The following DENND4B variants were observed in gnomAD, a reference collection of about 807,000 sequenced individuals.
DENND4B encodes DENN domain containing 4B.
A neutral mutation model predicts 161.0 loss-of-function variants in DENND4B; 67 were observed. That is an observed-to-expected ratio of 0.42 (90% CI 0.34 to 0.51). The LOEUF (loss-of-function observed/expected upper bound fraction) is 0.51, where lower values mean the gene tolerates loss of function less well. DENND4B is among the 20% of genes least tolerant of loss of function. The pLI is 0.08. For missense variants in DENND4B, 1,481 were observed against 1,968.0 expected, an observed-to-expected ratio of 0.75 and a Z score of 4.68; for synonymous variants, 753 against 813.8, an observed-to-expected ratio of 0.93 and a Z score of 1.27.
Position 153,932,721 on chromosome 1 carries a change from C to T in DENND4B, c.3680G>A (p.Gly1227Asp). The change falls in exon 23 of 28, where the codon GGT (glycine) becomes GAT (aspartate). Residue 1227 changes from glycine (G) to aspartate (D), a missense_variant. Around this residue, in one of 3 missense-constraint regions of DENND4B, gnomAD observed 336 missense variants for 503.3 expected, o/e 0.67. Transcript: ENST00000361217. The surrounding 1 kb of genome is among the most constrained non-coding windows in gnomAD (Gnocchi z 5.8). Reference sequence around the variant, plus strand: ...GTCACTGAGCACAGGGCCAGGACCACCAGGGACAGGAGCATCTTTGCTGCC... The same window carrying T: ...GTCACTGAGCACAGGGCCAGGACCATCAGGGACAGGAGCATCTTTGCTGCC... Reference protein sequence around the residue: ...ASGSKDAPVPGGPGPVLSDRR... With the variant: ...ASGSKDAPVPDGPGPVLSDRR... 6.2e-7 allele frequency: 1 copy of T among 1,614,056 alleles called. No homozygotes were observed. Among genetic ancestry groups the T allele is most frequent in the Non-Finnish European group, 8.5e-7 (1 of 1,179,900 alleles).
Position 153,933,077 on chromosome 1 carries a change from A to G in DENND4B, c.3454-47T>C. 6.2e-7 allele frequency: 1 copy of G among 1,609,188 alleles called. No homozygotes were observed. The highest frequency in any genetic ancestry group is 8.5e-7 in the Non-Finnish European group (1 of 1,176,862). Reference sequence around the variant, plus strand: ...AAGTAGGTGCTGTCTGGCCGCCAGCACTCTGGAGCCCATGCCCCTTCCCCA... The same window carrying G: ...AAGTAGGTGCTGTCTGGCCGCCAGCGCTCTGGAGCCCATGCCCCTTCCCCA... On this transcript the variant is annotated intron_variant, in intron 21 of 27. Coordinates refer to ENST00000361217, the MANE Select transcript of DENND4B (RefSeq NM_014856.3). The surrounding 1 kb of genome is among the most constrained non-coding windows in gnomAD (Gnocchi z 5.7).
chr1:153,942,568 C>T lies in DENND4B; in HGVS notation c.628G>A (p.Val210Met). The change falls in exon 4 of 28, where the codon GTG becomes ATG. Residue 210 changes from valine to methionine, a missense_variant. Physicochemically the swap from Val to Met is conservative, Grantham distance 21. This residue lies in a region of DENND4B where 806 missense variants were observed against 1,134.4 expected (regional missense o/e 0.71). Transcript: ENST00000361217. This position sits in a 1 kb window ranked among gnomAD's most constrained non-coding sequence, Gnocchi z 6.9. ...KVGLAKANTLVYEAELLGRYP... is the reference protein window; with the variant it reads ...KVGLAKANTLMYEAELLGRYP... Reference sequence around the variant, plus strand: ...AGGGGCCACTCACCTGCCTCGTACACCAGCGTGTTGGCCTTCGCCAGGCCC... The same window carrying T: ...AGGGGCCACTCACCTGCCTCGTACATCAGCGTGTTGGCCTTCGCCAGGCCC... 6.3e-7 allele frequency: 1 copy of T among 1,597,606 alleles called. No homozygotes were observed. Among genetic ancestry groups the T allele is most frequent in the East Asian group, 2.3e-5 (1 of 44,212 alleles).
At position 153,932,870 on chromosome 1, in the gene DENND4B, G is replaced by T. The variant is rs368196022; in HGVS notation, c.3614C>A (p.Ser1205Tyr). Residue 1205 changes from serine to tyrosine, a missense_variant, in exon 22 of 28, where the codon TCC becomes TAC. Ser to Tyr is a moderately radical substitution (Grantham distance 144). Transcript: ENST00000361217. This position sits in a 1 kb window ranked among gnomAD's most constrained non-coding sequence, Gnocchi z 5.8. ...GCCCTGCCTTGGGCACCTGGGCCGG[G>T]AATCAAGGGTCTGGACACTGAGCAG... is the stretch of plus-strand genomic sequence containing the variant. Reference protein sequence around the residue: ...VPLLSVQTLDSRPSVPSPKSA... With the variant: ...VPLLSVQTLDYRPSVPSPKSA... 10 of 1,613,852 alleles carry T rather than the reference G, an allele frequency of 6.2e-6. No homozygotes were observed. The highest frequency in any genetic ancestry group is 6.8e-6 in the Non-Finnish European group (8 of 1,179,870).
rs189518572 is a variant in DENND4B, at chr1:153,941,161, C to T, written c.1181+70G>A. 69 of 1,592,776 alleles carry T rather than the reference C, an allele frequency of 4.3e-5. No homozygotes were observed. The African/African-American group carries it at 7.0e-4, about 16-fold the overall frequency. ...CAGCCTGCATAAACCTCAACAGCTGCACCCACCTGCCCAGCACCTACCATG... is the reference window on the plus strand; with the variant it reads ...CAGCCTGCATAAACCTCAACAGCTGTACCCACCTGCCCAGCACCTACCATG... On this transcript the variant is annotated intron_variant, in intron 8 of 27. Coordinates refer to ENST00000361217, the MANE Select transcript of DENND4B (RefSeq NM_014856.3).
At position 153,937,161 on chromosome 1, in the gene DENND4B, G is replaced by A. The variant is rs1342037581; in HGVS notation, c.2232+327C>T. Among the ~76,000 whole-genome samples the A allele has an allele frequency of 6.6e-6, 1 of 152,218 alleles. No homozygotes were observed. The highest frequency in any genetic ancestry group is 1.5e-5 in the Non-Finnish European group (1 of 68,042). ...GGTCTGTGCTCTAAGGAGGAGAAGG[G>A]ATGCTGTACTTCACAGGCTGCAGCC... On this transcript the variant is annotated intron_variant, in intron 15 of 27. Transcript: ENST00000361217. This position sits in a 1 kb window ranked among gnomAD's most constrained non-coding sequence, Gnocchi z 4.7.
At position 153,941,218 on chromosome 1, in the gene DENND4B, T is replaced by A. The variant is rs1679645728; in HGVS notation, c.1181+13A>T. 3 of 1,613,260 alleles carry A rather than the reference T, an allele frequency of 1.9e-6. No homozygotes were observed. The highest frequency in any genetic ancestry group is 1.3e-5 in the African/African-American group (1 of 74,806). On this transcript the variant is annotated intron_variant, in intron 8 of 27. Transcript: ENST00000361217. ...GTCATTAAAGCTCCCCTCCCCACAA[T>A]CTGATCACATACCTGAGGGGCAGGG... is the stretch of plus-strand genomic sequence containing the variant.
rs908025735 is a variant in DENND4B, at chr1:153,929,734, T to A, written c.*563A>T. 4 of 152,226 alleles carry A rather than the reference T, an allele frequency of 2.6e-5. No homozygotes were observed. Among genetic ancestry groups the A allele is most frequent in the African/African-American group, 9.7e-5 (4 of 41,402 alleles). 9.4% of individuals were successfully genotyped at this position (152,226 alleles called of 1,614,324 possible). A position where few individuals can be genotyped will look rare whatever the true frequency, so the allele number is the denominator to read the frequency against. On this transcript the variant is annotated 3_prime_UTR_variant, in exon 28 of 28. Transcript: ENST00000361217. ...AAACCACCGGACCATGGTGCCCTAT[T>A]TCCCTTCCCTTTCTCACTCTCCATA...
chr1:153,942,907 G>T lies in DENND4B; in HGVS notation c.541C>A (p.Arg181=). The T allele has an allele frequency of 6.2e-7, 1 of 1,602,798 alleles. No individual in the cohort carries two copies. Among genetic ancestry groups the T allele is most frequent in the African/African-American group, 1.3e-5 (1 of 74,806 alleles). ...KGEGTPHTYC[R]LPRNLNPGMW... ...CCAGGGTTGAGGTTGCGGGGCAGCC[G>T]GCAGTAAGTATGAGGAGTGCCCTCG... Residue 181 remains arginine (R), a synonymous_variant, in exon 3 of 28, where the codon CGG becomes AGG. Coordinates refer to ENST00000361217, the MANE Select transcript of DENND4B (RefSeq NM_014856.3). The surrounding 1 kb of genome is among the most constrained non-coding windows in gnomAD (Gnocchi z 6.9).
Position 153,935,085 on chromosome 1 carries a change from G to C in DENND4B, c.2569-121C>G. The C allele has an allele frequency of 3.4e-6, 5 of 1,486,536 alleles. No individual in the cohort carries two copies. The South Asian group carries it at 6.7e-5, about 20-fold the overall frequency. The allele number at this position is 1,486,536 out of a possible 1,614,324, so 92.1% of individuals were successfully genotyped here. On this transcript the variant is annotated intron_variant, in intron 17 of 27. Coordinates refer to ENST00000361217, the MANE Select transcript of DENND4B (RefSeq NM_014856.3). ...CCCTGCAGACATCCTGTCTAGGACT[G>C]TCCGGCCAATGGCTCAGCCAGGAAC...
rs1034454517 is a variant in DENND4B at position 153,936,786 on chromosome 1, G to A, written c.2233-38C>T. Reference sequence around the variant, plus strand: ...GGGGACACATCAGGGTGAGTACAATGCCAGGTCTTTCTTACTTATCTATTT... The same window carrying A: ...GGGGACACATCAGGGTGAGTACAATACCAGGTCTTTCTTACTTATCTATTT... On this transcript the variant is annotated intron_variant, in intron 15 of 27. Coordinates refer to ENST00000361217, the MANE Select transcript of DENND4B (RefSeq NM_014856.3). The surrounding 1 kb of genome is among the most constrained non-coding windows in gnomAD (Gnocchi z 4.1). The A allele has an allele frequency of 2.7e-6, 4 of 1,466,404 alleles. No individual in the cohort carries two copies. In the African/African-American group the frequency reaches 5.7e-5, roughly 21 times the overall value. 90.8% of individuals were successfully genotyped at this position (1,466,404 alleles called of 1,614,324 possible). A position where few individuals can be genotyped will look rare whatever the true frequency, so the allele number is the denominator to read the frequency against.
Position 153,946,516 on chromosome 1 carries a change from C to T in DENND4B, c.-239G>A, listed in dbSNP as rs1015349716. 1.8e-5 allele frequency: 7 copies of T among 389,970 alleles called. No homozygotes were observed. In the South Asian group the frequency reaches 7.7e-4, roughly 43 times the overall value. The allele number at this position is 389,970 out of a possible 1,614,324, so 24.2% of individuals were successfully genotyped here. ...GATCCGGGCGGTCCCCGCGTCCCCG[C>T]CGCGCTGCGCCACGCGGGGACTGTG... On this transcript the variant is annotated 5_prime_UTR_variant, in exon 1 of 28. Coordinates refer to ENST00000361217, the MANE Select transcript of DENND4B (RefSeq NM_014856.3). This position sits in a 1 kb window ranked among gnomAD's most constrained non-coding sequence, Gnocchi z 6.3.
At position 153,940,801 on chromosome 1, in the gene DENND4B, G is replaced by T; in HGVS notation, c.1326+103C>A. The T allele has an allele frequency of 6.8e-7, 1 of 1,470,636 alleles. No individual in the cohort carries two copies. The allele number at this position is 1,470,636 out of a possible 1,614,324, so 91.1% of individuals were successfully genotyped here. A position where few individuals can be genotyped will look rare whatever the true frequency, so the allele number is the denominator to read the frequency against. On this transcript the variant is annotated intron_variant, in intron 9 of 27. Coordinates refer to ENST00000361217, the MANE Select transcript of DENND4B (RefSeq NM_014856.3). This position sits in a 1 kb window ranked among gnomAD's most constrained non-coding sequence, Gnocchi z 5.6. ...GGCTGTGCCCAGGGAAAGGGGCTGA[G>T]GATCCTCCACAAGGAAGGAAAAGGG...
Position 153,944,383 on chromosome 1 carries a change from C to G in DENND4B, c.-9G>C, listed in dbSNP as rs747670480. 6 of 1,599,842 alleles carry G rather than the reference C, an allele frequency of 3.8e-6. No individual in the cohort carries two copies. Among genetic ancestry groups the G allele is most frequent in the African/African-American group, 2.7e-5 (2 of 74,510 alleles). On this transcript the variant is annotated 5_prime_UTR_variant, in exon 2 of 28. Coordinates refer to ENST00000361217, the MANE Select transcript of DENND4B (RefSeq NM_014856.3). This position sits in a 1 kb window ranked among gnomAD's most constrained non-coding sequence, Gnocchi z 4.8. ...GGCCGCTCCTCCGCCATGGCCCCCC[C>G]CTCACTCACTGCATCTGGAATGGTC...
chr1:153,942,742 GT>G lies in DENND4B; in HGVS notation c.571-118del. 1.4e-6 allele frequency: 2 copies of G among 1,474,906 alleles called. No homozygotes were observed. The highest frequency in any genetic ancestry group is 1.8e-6 in the Non-Finnish European group (2 of 1,109,368). 91.4% of individuals were successfully genotyped at this position (1,474,906 alleles called of 1,614,324 possible). A position where few individuals can be genotyped will look rare whatever the true frequency, so the allele number is the denominator to read the frequency against. The stretch of plus-strand genomic sequence containing the variant: ...GTCTTTAAAGCTCCCATTAATCCCA[GT>G]GCCCCAAGACCAGAGTTACCCCTCT... On this transcript the variant is annotated intron_variant, in intron 3 of 27. Coordinates refer to ENST00000361217, the MANE Select transcript of DENND4B (RefSeq NM_014856.3). The surrounding 1 kb of genome is among the most constrained non-coding windows in gnomAD (Gnocchi z 6.9).
rs560393086 is a variant in DENND4B at position 153,944,378 on chromosome 1, C to T, written c.-4G>A. ...GGGGGGGCCGCTCCTCCGCCATGGC[C>T]CCCCCCTCACTCACTGCATCTGGAA... On this transcript the variant is annotated 5_prime_UTR_variant, in exon 2 of 28. Transcript: ENST00000361217. This position sits in a 1 kb window ranked among gnomAD's most constrained non-coding sequence, Gnocchi z 4.8. 1.2e-6 allele frequency: 2 copies of T among 1,601,216 alleles called. No individual in the cohort carries two copies. Among genetic ancestry groups the T allele is most frequent in the African/African-American group, 2.7e-5 (2 of 74,726 alleles).
rs751552787 is a variant in DENND4B at position 153,933,041 on chromosome 1, G to T, written c.3454-11C>A. 6.2e-7 allele frequency: 1 copy of T among 1,612,538 alleles called. No individual in the cohort carries two copies. Among genetic ancestry groups the T allele is most frequent in the Admixed American group, 1.7e-5 (1 of 59,990 alleles). ...GCTGGACAGCAGAATCTGTGGGCAG[G>T]GAGAGTCGGGAAGTAGGTGCTGTCT... On this transcript the variant is annotated splice_polypyrimidine_tract_variant and intron_variant, in intron 21 of 27. Coordinates refer to ENST00000361217, the MANE Select transcript of DENND4B (RefSeq NM_014856.3). The surrounding 1 kb of genome is among the most constrained non-coding windows in gnomAD (Gnocchi z 5.7).
Position 153,934,160 on chromosome 1 carries a change from G to C in DENND4B, c.2916C>G (p.Pro972=). 6.3e-7 allele frequency: 1 copy of C among 1,583,674 alleles called. No individual in the cohort carries two copies. The highest frequency in any genetic ancestry group is 8.5e-7 in the Non-Finnish European group (1 of 1,171,592). The part of the protein sequence containing the change: ...GSLGSARGAQ[P]TVEAGVAHMI... ...TGTGGGCCACACCGGCCTCCACAGT[G>C]GGCTGTGCCCCTCGGGCACTGCCCA... The change falls in exon 19 of 28, where the codon CCC becomes CCG. Residue 972 remains proline, a synonymous_variant. Transcript: ENST00000361217. The surrounding 1 kb of genome is among the most constrained non-coding windows in gnomAD (Gnocchi z 5.3).
chr1:153,938,854 G>A (rs1461521609), intron 13 of DENND4B, 46 bp downstream of exon 13: 5 of 1,555,212 alleles, frequency 3.2e-6, no homozygotes, highest in Middle Eastern at 1.7e-4. Flanking sequence ...CAGAGACAAT[G>A]AGGGAGACAG....
rs749474369 is a variant in DENND4B at position 153,931,061 on chromosome 1, G to C, written c.4000C>G (p.Pro1334Ala). 1.9e-6 allele frequency: 3 copies of C among 1,608,550 alleles called. No homozygotes were observed. Among genetic ancestry groups the C allele is most frequent in the Admixed American group, 1.7e-5 (1 of 58,786 alleles). The stretch of plus-strand genomic sequence containing the variant: ...GGATCAGGGGTTAGCCAAGGAGATG[G>C]GGCCTGGGGGAGCCAAGATAGTGGA... Reference protein sequence around the residue: ...SCDGPSHSQAPSPWLTPDPAS... With the variant: ...SCDGPSHSQAASPWLTPDPAS... The change falls in exon 25 of 28, where the codon CCA becomes GCA. Residue 1334 changes from proline (P) to alanine (A), a missense_variant. By Grantham distance (27) the Pro-to-Ala change is conservative. Transcript: ENST00000361217.
Sources: gnomAD v4.1 joint callset for allele counts (sites outside exome capture counted in the v4.1 genomes callset) on GRCh38, gnomAD v4.1.1 for gene constraint, gnomAD v4.1.1 regional missense constraint, Gnocchi (gnomAD v3.1) non-coding constraint, MANE v1.5 for transcripts, NCBI Gene and HGNC (gene_info 2026-07-23, HGNC 2026-07-21) for gene names.